Variants in ANKRD31 observed in about 807,000 individuals in gnomAD.
ANKRD31 encodes the protein ankyrin repeat domain-containing protein 31.
In ANKRD31, 147 loss-of-function variants were observed where a neutral mutation model predicts 186.0. The observed-to-expected ratio is 0.79, with a 90% CI of 0.69 to 0.91. The LOEUF (loss-of-function observed/expected upper bound fraction) is 0.91. ANKRD31 is among the 40% of genes least tolerant of loss of function. ANKRD31 has a pLI of 0.00. For missense variants in ANKRD31, 1,986 were observed against 2,148.8 expected (o/e 0.92, Z 1.50); for synonymous variants, 673 against 736.4 (o/e 0.91, Z 1.39).
At chr5:75,154,159 A>G (rs1752011208) in intron 12 of ANKRD31, 42 bp downstream of exon 12, 1 of 1,368,654 alleles carries the variant, frequency 7.3e-7, no homozygotes. Flanking sequence ...CTGTAACTTC[A>G]CTGATGTGAC....
At chr5:75,225,716 G>C (rs1230295180) in intron 2 of ANKRD31, 2 of 160,200 alleles carry the variant, frequency 1.2e-5, no homozygotes, top group African/African-American at 4.8e-5. Context: ...GTCAGACCCA[G>C]CACATTGACA....
At chr5:75,139,055 A>G in intron 15 of ANKRD31, 72 bp from the exon 16 acceptor site, 1 of 1,479,920 alleles carries the variant, frequency 6.8e-7, no homozygotes, top group South Asian at 1.3e-5. Flanking sequence ...TAGAAAATAC[A>G]TAACAACTTC....
chr5:75,169,034 T>G lies in ANKRD31; in HGVS notation c.1652A>C (p.Lys551Thr), dbSNP rs1223789084. 2 of 1,536,604 alleles carry G rather than the reference T, an allele frequency of 1.3e-6. No individual in the cohort carries two copies. The highest frequency in any genetic ancestry group is 4.9e-5 in the East Asian group (2 of 40,874). Reference sequence around the variant, plus strand: ...TAGGGGAGTAATCTGGTATAATCCTTTGATATTTACATCTGCTCCACCTTT... The same window carrying G: ...TAGGGGAGTAATCTGGTATAATCCTGTGATATTTACATCTGCTCCACCTTT... ...LLKGGADVNI[K>T]GLYQITPLHD... The change falls in exon 11 of 26, where the codon AAA becomes ACA. Residue 551 changes from lysine to threonine, a missense_variant. By Grantham distance (78) the Lys-to-Thr change is moderately conservative. Transcript: ENST00000506364.
At chr5:75,229,023 T>C (rs1757796128) in intron 2 of ANKRD31, among the ~76,000 whole-genome samples, 1 of 145,338 alleles carries the variant, frequency 6.9e-6, no homozygotes, top group African/African-American at 2.5e-5. Context: ...GGAATTTTTT[T>C]TTCTATTTCA....
intron 7 of ANKRD31, 40 bp downstream of exon 7, chr5:75,195,591 G>T: frequency 7.0e-7 from 1 of 1,438,764 alleles, no homozygotes; most frequent in Non-Finnish European, 9.2e-7. Context: ...TTGGAACCAT[G>T]TTCAAATGGT....
At chr5:75,127,181 T>C (rs61403012) in intron 17 of ANKRD31, among the ~76,000 whole-genome samples, 7,311 of 121,714 alleles carry the variant, frequency 0.06, 442 homozygotes, top group African/African-American at 0.19. Context: ...TGAGACTCCA[T>C]CTCAAAAAAA....
In ANKRD31 at chr5:75,199,510, A is replaced by G. The variant is rs1041110568; in HGVS notation, c.447+121T>C. On this transcript the variant is annotated intron_variant, in intron 6 of 25. Transcript: ENST00000506364. ...ATTAGACAAGAATAGATTTTTATCTACCGAAATGGTTTAGTAGATGAGGGT... is the reference window on the plus strand; with the variant it reads ...ATTAGACAAGAATAGATTTTTATCTGCCGAAATGGTTTAGTAGATGAGGGT... The G allele has an allele frequency of 1.2e-5, 7 of 575,408 alleles. No homozygotes were observed. In the Admixed American group the frequency reaches 2.7e-4, roughly 22 times the overall value. 35.6% of individuals were successfully genotyped at this position (575,408 alleles called of 1,614,324 possible).
intron 22 of ANKRD31, among the ~76,000 whole-genome samples, chr5:75,093,522 C>T (rs920885041): frequency 6.6e-6 from 1 of 151,778 alleles, no homozygotes; most frequent in African/African-American, 2.4e-5. Context: ...ACCAAACTTA[C>T]TGAAAAGCAT....
chr5:75,145,588 G>T (rs1751375600), intron 14 of ANKRD31, among the ~76,000 whole-genome samples: 1 of 151,880 alleles, frequency 6.6e-6, no homozygotes, highest in Non-Finnish European at 1.5e-5. Context: ...TCATGGGGTG[G>T]GGGGGCTACT....
chr5:75,203,437 G>A (rs1341256227), intron 5 of ANKRD31, among the ~76,000 whole-genome samples: 1 of 152,116 alleles, frequency 6.6e-6, no homozygotes, highest in Non-Finnish European at 1.5e-5. Flanking sequence ...ACCCAGGTGG[G>A]TGGATCACAT....
Position 75,105,025 on chromosome 5 carries a change from C to CTG in ANKRD31, c.4533_4534insCA (p.Glu1512GlnfsTer14). ...CTAGTGAGCTCTTGGCTGTCTTTTT[C>CTG]ACTAGAGATTTCTGATCTGGGTGGG... is the stretch of plus-strand genomic sequence containing the variant. On this transcript the variant is annotated frameshift_variant, in exon 22 of 26. Transcript: ENST00000506364. LOFTEE classifies it high-confidence loss of function. The CTG allele has an allele frequency of 6.5e-7, 1 of 1,536,670 alleles. No individual in the cohort carries two copies. The highest frequency in any genetic ancestry group is 2.0e-5 in the Admixed American group (1 of 50,936).
At chr5:75,181,361 T>C (rs2150219693) in intron 10 of ANKRD31, among the ~76,000 whole-genome samples, 1 of 152,206 alleles carries the variant, frequency 6.6e-6, no homozygotes, top group Middle Eastern at 3.4e-3. Context: ...GAAATACCAT[T>C]TGACCCAGCC....
chr5:75,176,781 G>A (rs1244477243), intron 10 of ANKRD31, among the ~76,000 whole-genome samples: 3 of 150,220 alleles, frequency 2.0e-5, no homozygotes, highest in East Asian at 3.9e-4. Context: ...CAAAGATGGG[G>A]AAAAAACAGA....
At chr5:75,092,581 A>G (rs935802414) in intron 22 of ANKRD31, among the ~76,000 whole-genome samples, 2 of 152,218 alleles carry the variant, frequency 1.3e-5, no homozygotes, top group African/African-American at 4.8e-5. Flanking sequence ...CACTAAAACA[A>G]TCTAGCCAGT....
At chr5:75,179,747 C>T (rs1208918570) in intron 10 of ANKRD31, among the ~76,000 whole-genome samples, 1 of 152,114 alleles carries the variant, frequency 6.6e-6, no homozygotes, top group Non-Finnish European at 1.5e-5. Context: ...ATTATAAGAG[C>T]TATCTATGAC....
At chr5:75,091,593 T>C (rs1349302138) in intron 22 of ANKRD31, among the ~76,000 whole-genome samples, 192 bp from the exon 23 acceptor site, 1 of 151,962 alleles carries the variant, frequency 6.6e-6, no homozygotes, top group African/African-American at 2.4e-5. Context: ...GTCAACAAAA[T>C]CTACAAAAAT....
At chr5:75,197,631 C>T (rs1407761745) in intron 6 of ANKRD31, among the ~76,000 whole-genome samples, 5 of 152,296 alleles carry the variant, frequency 3.3e-5, no homozygotes, top group African/African-American at 7.2e-5. Context: ...AATTCAAGAA[C>T]CAGATCCTAC....
intron 15 of ANKRD31, among the ~76,000 whole-genome samples, chr5:75,142,294 G>A (rs555979302): frequency 6.8e-4 from 104 of 151,986 alleles, no homozygotes; most frequent in African/African-American, 2.4e-3. Flanking sequence ...CTGTTCACTC[G>A]CTATTCTCCC....
chr5:75,185,217 G>A (rs898140672), intron 10 of ANKRD31, among the ~76,000 whole-genome samples: 1 of 152,186 alleles, frequency 6.6e-6, no homozygotes, highest in East Asian at 1.9e-4. Context: ...AGAGTAGTGG[G>A]AGGGGAAAAA....
Sources: gnomAD v4.1 joint callset for allele counts (sites outside exome capture counted in the v4.1 genomes callset) on GRCh38, gnomAD v4.1.1 for gene constraint, MANE v1.5 for transcripts, NCBI Gene and HGNC (gene_info 2026-07-23, HGNC 2026-07-21) for gene names.